The following TMEM45A variants were observed in gnomAD, a reference collection of about 807,000 sequenced individuals.
TMEM45A encodes the protein DNA polymerase-transactivated protein 4.
A neutral mutation model predicts 32.0 loss-of-function variants in TMEM45A; 25 were observed. That is an observed-to-expected ratio of 0.78 (90% CI 0.57 to 1.09). The LOEUF is 1.09. TMEM45A is among the 50% of genes least tolerant of loss of function. The probability of loss-of-function intolerance (pLI) is 0.00; values close to 1 mark genes in which losing one functional copy is unlikely to be tolerated. For synonymous variants in TMEM45A, 122 were observed against 114.8 expected (o/e 1.06, Z -0.40); for missense variants, 302 against 325.0 (o/e 0.93, Z 0.54).
At chr3:100,568,700 G>GT (rs1706493844) in intron 4 of TMEM45A, 122 bp from the exon 5 acceptor site, 2 of 858,134 alleles carry the variant, frequency 2.3e-6, no homozygotes, top group Non-Finnish European at 3.6e-6. Context: ...TGTTTTATCT[G>GT]TTACATCTTA....
intron 1 of TMEM45A, among the ~76,000 whole-genome samples, chr3:100,504,050 A>G (rs1021699078): frequency 4.6e-5 from 7 of 152,144 alleles, no homozygotes; most frequent in African/African-American, 1.7e-4. Flanking sequence ...TAGCCTCTGT[A>G]TCCTGAACTT....
intron 1 of TMEM45A, among the ~76,000 whole-genome samples, chr3:100,515,211 A>G (rs1274942802): frequency 6.6e-6 from 1 of 152,132 alleles, no homozygotes; most frequent in Non-Finnish European, 1.5e-5. Flanking sequence ...TCCAATAGCA[A>G]AGACTTGGAA....
At chr3:100,534,132 T>G (rs1705698941) in intron 1 of TMEM45A, among the ~76,000 whole-genome samples, 1 of 152,182 alleles carries the variant, frequency 6.6e-6, no homozygotes, top group African/African-American at 2.4e-5. Flanking sequence ...CTTCCCCTCT[T>G]CTGTTGGCGA....
chr3:100,531,937 A>G (rs1705655464), intron 1 of TMEM45A, among the ~76,000 whole-genome samples: 1 of 152,226 alleles, frequency 6.6e-6, no homozygotes, highest in Non-Finnish European at 1.5e-5. Flanking sequence ...TTGTCCATGT[A>G]AATACTTCTA....
intron 1 of TMEM45A, among the ~76,000 whole-genome samples, chr3:100,537,713 G>A (rs1470429279): frequency 6.6e-6 from 1 of 152,230 alleles, no homozygotes; most frequent in Non-Finnish European, 1.5e-5. Context: ...CTGTAGATTG[G>A]CCCAGGAGAT....
chr3:100,514,978 C>G (rs1220907633), intron 1 of TMEM45A, among the ~76,000 whole-genome samples: 2 of 150,734 alleles, frequency 1.3e-5, no homozygotes, highest in Non-Finnish European at 3.0e-5. Context: ...CAGGAAACAA[C>G]AGGTGCTGGA....
At chr3:100,526,691 T>A (rs1006354393) in intron 1 of TMEM45A, among the ~76,000 whole-genome samples, 1 of 152,170 alleles carries the variant, frequency 6.6e-6, no homozygotes, top group African/African-American at 2.4e-5. Flanking sequence ...GGAAAAAAAT[T>A]ATCTGCCAAA....
At chr3:100,524,969 C>A (rs1483317754) in intron 1 of TMEM45A, among the ~76,000 whole-genome samples, 1 of 152,072 alleles carries the variant, frequency 6.6e-6, no homozygotes, top group Non-Finnish European at 1.5e-5. Flanking sequence ...GCAGGAGGAT[C>A]GCTGTGGCCA....
intron 5 of TMEM45A, among the ~76,000 whole-genome samples, chr3:100,575,140 G>C (rs1168240179): frequency 6.6e-6 from 1 of 152,094 alleles, no homozygotes; most frequent in Non-Finnish European, 1.5e-5. Flanking sequence ...AAATTTGTTT[G>C]CATATTCCTA....
rs779935667 is a variant in TMEM45A at position 100,558,556 on chromosome 3, T to C, written c.555T>C (p.Ser185=). ...TACTTCTGGAGCTATTGCGGTCAAG[T>C]CTCATTCTGCTTCAGGGGAGCTGGT... ...NNVLLELLRS[S]LILLQGSWFF... is the part of the protein sequence containing the mutation. Residue 185 remains serine, a synonymous_variant, in exon 4 of 6, where the codon AGT becomes AGC. Transcript: ENST00000323523. 71 of 1,614,020 alleles carry C rather than the reference T, an allele frequency of 4.4e-5. 2 individuals are homozygous for C. The East Asian group carries it at 1.2e-3, about 26-fold the overall frequency.
rs10682230 is a variant in TMEM45A, at chr3:100,492,756, C to CCG, written c.-175_-174insGC. On this transcript the variant is annotated 5_prime_UTR_variant, in exon 1 of 6. Coordinates refer to ENST00000323523, the MANE Select transcript of TMEM45A (RefSeq NM_018004.3). ...GACTAGGGACCCAAGTTTAAAAATT[C>CCG]CTCCCCCCACCCAATGCGAGACGTG... The CCG allele has an allele frequency of 2.7e-5, 2 of 74,538 alleles. No homozygotes were observed. The highest frequency in any genetic ancestry group is 1.5e-4 in the African/African-American group (2 of 13,386). The allele number at this position is 74,538 out of a possible 1,614,324, so 4.6% of individuals were successfully genotyped here.
intron 1 of TMEM45A, among the ~76,000 whole-genome samples, chr3:100,523,254 T>G (rs965197870): frequency 1.3e-5 from 2 of 152,232 alleles, no homozygotes; most frequent in Non-Finnish European, 2.9e-5. Flanking sequence ...CCTGGATAAC[T>G]GGTCTGGGTG....
Position 100,565,857 on chromosome 3 carries a change from A to T in TMEM45A, c.589-2965A>T, listed in dbSNP as rs571159047. ...AGTATATTCACAATGTTGTGCCCCCATCAGCTCTATCTGTTCCAAAACATT... is the reference window on the plus strand; with the variant it reads ...AGTATATTCACAATGTTGTGCCCCCTTCAGCTCTATCTGTTCCAAAACATT... On this transcript the variant is annotated intron_variant, in intron 4 of 5. Coordinates refer to ENST00000323523, the MANE Select transcript of TMEM45A (RefSeq NM_018004.3). 1.1e-3 allele frequency among the ~76,000 whole-genome samples: 164 copies of T among 152,282 alleles called. 1 individual carries two copies. The highest frequency in any genetic ancestry group is 3.8e-3 in the African/African-American group (156 of 41,572).
chr3:100,561,383 A>G (rs974404293), intron 4 of TMEM45A, among the ~76,000 whole-genome samples: 5 of 152,192 alleles, frequency 3.3e-5, no homozygotes, highest in Admixed American at 2.0e-4. Flanking sequence ...GATTAGATAA[A>G]ACATCCACCT....
chr3:100,517,381 C>T (rs1336192236), intron 1 of TMEM45A, among the ~76,000 whole-genome samples: 6 of 152,230 alleles, frequency 3.9e-5, no homozygotes, highest in South Asian at 2.1e-4. Flanking sequence ...CCACCGCACC[C>T]GGCTGGGAAT....
At chr3:100,555,100 T>C (rs1406973225) in intron 1 of TMEM45A, 109 bp from the exon 2 acceptor site, 35 of 945,020 alleles carry the variant, frequency 3.7e-5, no homozygotes, top group Non-Finnish European at 5.0e-5. Flanking sequence ...TCCTCAGTGA[T>C]GTATCCATAA....
chr3:100,564,644 A>T (rs1204506082), intron 4 of TMEM45A, among the ~76,000 whole-genome samples: 1 of 152,022 alleles, frequency 6.6e-6, no homozygotes, highest in African/African-American at 2.4e-5. Context: ...CACCAGGCCT[A>T]GCTAATTTTT....
intron 1 of TMEM45A, among the ~76,000 whole-genome samples, chr3:100,521,856 A>G (rs1046541901): frequency 3.9e-5 from 6 of 152,190 alleles, no homozygotes; most frequent in Admixed American, 1.3e-4. Flanking sequence ...GCCACTTTCC[A>G]TGACTGTGAA....
At chr3:100,514,097 G>A (rs995981350) in intron 1 of TMEM45A, among the ~76,000 whole-genome samples, 11 of 152,166 alleles carry the variant, frequency 7.2e-5, no homozygotes, top group African/African-American at 2.7e-4. Flanking sequence ...AGCTACCAAT[G>A]ACTTTCTTCA....
Sources: gnomAD v4.1 joint callset for allele counts (sites outside exome capture counted in the v4.1 genomes callset) on GRCh38, gnomAD v4.1.1 for gene constraint, MANE v1.5 for transcripts, NCBI Gene and HGNC (gene_info 2026-07-23, HGNC 2026-07-21) for gene names.